CSMD1: variants seen among roughly 807,000 people sequenced by gnomAD.
CSMD1 encodes the protein CUB and Sushi multiple domains 1, also known as CUB and sushi domain-containing protein 1.
A neutral mutation model predicts 417.5 loss-of-function variants in CSMD1; 213 were observed. That is an observed-to-expected ratio of 0.51 (90% CI 0.46 to 0.57). The LOEUF is 0.57. CSMD1 is among the 20% of genes least tolerant of loss of function. CSMD1 has a pLI of 0.00. For missense variants in CSMD1, 6,923 were observed against 4,529.7 expected (o/e 1.53, Z -15.17); for synonymous variants, 2,862 against 1,736.8 (o/e 1.65, Z -16.11).
At chr8:4,785,365 A>G (rs80059157) in intron 1 of CSMD1, among the ~76,000 whole-genome samples, 1,602 of 152,272 alleles carry the variant, frequency 0.011, 13 homozygotes, top group East Asian at 0.057. Context: ...AGGTGGTCTC[A>G]GAGCTGGTAT....
At chr8:3,706,165 C>G (rs12549735) in intron 7 of CSMD1, among the ~76,000 whole-genome samples, 140,320 of 152,282 alleles carry the variant, frequency 0.92, 64,719 homozygotes, top group East Asian at 0.99. Context: ...CTAAGGTGAA[C>G]AGAATGCCCA....
chr8:3,692,598 A>G (rs1013753405), intron 7 of CSMD1, among the ~76,000 whole-genome samples: 1 of 151,804 alleles, frequency 6.6e-6, no homozygotes, highest in Non-Finnish European at 1.5e-5. Context: ...ACACACAGCT[A>G]ATTTTTGTAT....
chr8:3,619,282 C>G (rs1275039377), intron 7 of CSMD1, among the ~76,000 whole-genome samples: 2 of 152,136 alleles, frequency 1.3e-5, no homozygotes, highest in Admixed American at 1.3e-4. Context: ...GTCTTCAGTC[C>G]AGGTTGATCT....
At chr8:3,354,716 G>T (rs941902939) in intron 21 of CSMD1, among the ~76,000 whole-genome samples, 1 of 151,426 alleles carries the variant, frequency 6.6e-6, no homozygotes, top group Non-Finnish European at 1.5e-5. Flanking sequence ...TTTTAGCTTA[G>T]AACGTTGTTT....
At chr8:3,206,726 AT>A (rs1474919356) in intron 30 of CSMD1, among the ~76,000 whole-genome samples, 1 of 147,700 alleles carries the variant, frequency 6.8e-6, no homozygotes, top group African/African-American at 2.5e-5. Flanking sequence ...ATGTGTGGGT[AT>A]GTCTTAATTT....
chr8:4,798,545 C>T (rs1351380555), intron 1 of CSMD1, among the ~76,000 whole-genome samples: 1 of 152,110 alleles, frequency 6.6e-6, no homozygotes, highest in Non-Finnish European at 1.5e-5. Context: ...GACAACTAGT[C>T]ACAGGCAAGC....
chr8:4,691,719 G>T (rs1038469195), intron 1 of CSMD1, among the ~76,000 whole-genome samples: 3 of 152,106 alleles, frequency 2.0e-5, no homozygotes, highest in Non-Finnish European at 1.5e-5. Context: ...ATTTCCTGAA[G>T]GTCCAGGTAC....
At chr8:4,697,200 C>T (rs1180072147) in intron 1 of CSMD1, among the ~76,000 whole-genome samples, 1 of 151,802 alleles carries the variant, frequency 6.6e-6, no homozygotes, top group African/African-American at 2.4e-5. Context: ...ATAAAAAAAT[C>T]AGAAAAAATC....
chr8:2,950,856 G>C (rs966961013), intron 66 of CSMD1, among the ~76,000 whole-genome samples: 5 of 152,212 alleles, frequency 3.3e-5, no homozygotes, highest in African/African-American at 1.2e-4. Flanking sequence ...ATCTGTATAC[G>C]AATCTCAGAT....
intron 26 of CSMD1, among the ~76,000 whole-genome samples, chr8:3,267,955 A>T (rs1233238825): frequency 6.6e-6 from 1 of 152,112 alleles, no homozygotes; most frequent in Non-Finnish European, 1.5e-5. Context: ...ATTATGCCAG[A>T]GGGGAACAGG....
chr8:3,614,766 C>G (rs1483489525), intron 8 of CSMD1, among the ~76,000 whole-genome samples: 1 of 152,184 alleles, frequency 6.6e-6, no homozygotes, highest in African/African-American at 2.4e-5. Context: ...TTCTTTGTGC[C>G]ACGCACAGTT....
chr8:4,187,722 G>C (rs183405754), intron 3 of CSMD1, among the ~76,000 whole-genome samples: 2 of 142,950 alleles, frequency 1.4e-5, no homozygotes, highest in African/African-American at 5.1e-5. Flanking sequence ...TCTAGTTAGT[G>C]TACATTAAGG....
intron 7 of CSMD1, among the ~76,000 whole-genome samples, chr8:3,634,295 A>G (rs1208050060): frequency 6.6e-6 from 1 of 152,194 alleles, no homozygotes; most frequent in East Asian, 1.9e-4. Flanking sequence ...CTCTGGTAGG[A>G]CTGAAGACTA....
intron 2 of CSMD1, among the ~76,000 whole-genome samples, chr8:4,431,549 C>T (rs1346801705): frequency 6.6e-6 from 1 of 152,142 alleles, no homozygotes; most frequent in Non-Finnish European, 1.5e-5. Context: ...TGATAATCTA[C>T]ACCAGCCCCG....
intron 5 of CSMD1, among the ~76,000 whole-genome samples, chr8:3,937,391 T>G (rs1400756960): frequency 2.6e-5 from 4 of 152,176 alleles, no homozygotes; most frequent in Non-Finnish European, 5.9e-5. Context: ...TACTGTTGTC[T>G]TATTTTAAGA....
At chr8:4,636,400 T>G (rs1046987037) in intron 2 of CSMD1, among the ~76,000 whole-genome samples, 1 of 152,166 alleles carries the variant, frequency 6.6e-6, no homozygotes, top group Non-Finnish European at 1.5e-5. Context: ...AAATTACGAA[T>G]AGATTGTACC....
intron 1 of CSMD1, among the ~76,000 whole-genome samples, chr8:4,729,962 A>C (rs1809735846): frequency 6.6e-6 from 1 of 152,186 alleles, no homozygotes; most frequent in South Asian, 2.1e-4. Flanking sequence ...ACTGCAGCCT[A>C]AACACGGGAC....
chr8:4,427,301 C>G (rs1393682311), intron 2 of CSMD1, among the ~76,000 whole-genome samples: 1 of 152,112 alleles, frequency 6.6e-6, no homozygotes, highest in East Asian at 1.9e-4. Flanking sequence ...GGTCTTGGTA[C>G]TGTTGACAAA....
intron 5 of CSMD1, among the ~76,000 whole-genome samples, chr8:3,937,762 T>C (rs1232799738): frequency 1.3e-5 from 2 of 152,152 alleles, no homozygotes; most frequent in Admixed American, 6.6e-5. Flanking sequence ...TAAGATGTAA[T>C]ATATTTTTCT....
Sources: allele counts gnomAD v4.1 joint callset (sites outside exome capture counted in the v4.1 genomes callset), GRCh38; gene constraint gnomAD v4.1.1; transcripts MANE v1.5; gene names NCBI Gene and HGNC (gene_info 2026-07-23, HGNC 2026-07-21).